PLEKHA1: variants seen among roughly 807,000 people sequenced by gnomAD.
PLEKHA1 encodes pleckstrin homology domain containing A1, also known as pleckstrin homology domain-containing family A member 1.
In PLEKHA1, 34 loss-of-function variants were observed where a neutral mutation model predicts 52.0. The observed-to-expected ratio is 0.65, with a 90% CI of 0.50 to 0.87. The LOEUF (loss-of-function observed/expected upper bound fraction) is 0.87. Ranked by LOEUF, PLEKHA1 falls within the 40% of genes least tolerant of loss-of-function variation. PLEKHA1 has a pLI of 0.00. For missense variants in PLEKHA1, 497 were observed against 504.2 expected (o/e 0.99, Z 0.14); for synonymous variants, 163 against 170.7 (o/e 0.95, Z 0.35).
At chr10:122,421,630 T>C (rs1404719671) in intron 8 of PLEKHA1, 2 of 151,962 alleles carry the variant, frequency 1.3e-5, no homozygotes, top group African/African-American at 4.8e-5. Context: ...TCGTGTTTGT[T>C]TCAAAGATTA....
chr10:122,382,966 G>C (rs1176999892), intron 1 of PLEKHA1, among the ~76,000 whole-genome samples: 1 of 152,036 alleles, frequency 6.6e-6, no homozygotes, highest in Non-Finnish European at 1.5e-5. Flanking sequence ...CACCCAGTAG[G>C]GTTTTACCAT....
intron 1 of PLEKHA1, among the ~76,000 whole-genome samples, chr10:122,377,840 A>C (rs556120121): frequency 6.6e-6 from 1 of 152,286 alleles, no homozygotes; most frequent in African/African-American, 2.4e-5. Context: ...AATTAGTTGA[A>C]TTGATAATAT....
At chr10:122,398,601 G>T (rs1270337615) in intron 3 of PLEKHA1, among the ~76,000 whole-genome samples, 3 of 151,646 alleles carry the variant, frequency 2.0e-5, no homozygotes, top group African/African-American at 7.3e-5. Context: ...GTTTGTGTGT[G>T]TGTGTGTGTG....
chr10:122,383,205 C>A (rs544421611), intron 1 of PLEKHA1, among the ~76,000 whole-genome samples: 2 of 152,148 alleles, frequency 1.3e-5, no homozygotes, highest in Admixed American at 1.3e-4. Context: ...AACTACCAAC[C>A]CTGCCACCAG....
intron 7 of PLEKHA1, 33 bp from the exon 8 acceptor site, chr10:122,417,865 AAC>A: frequency 1.3e-6 from 2 of 1,527,622 alleles, no homozygotes; most frequent in Non-Finnish European, 1.8e-6. Context: ...CATTCTTAGA[AAC>A]ACAAGTCTTA....
At chr10:122,400,242 G>T in intron 3 of PLEKHA1, 101 bp from the exon 4 acceptor site, 1 of 872,598 alleles carries the variant, frequency 1.1e-6, no homozygotes, top group South Asian at 2.4e-5. Context: ...AAATGTGTAT[G>T]ATTATTGGGG....
At chr10:122,407,815 C>CA (rs2097044952) in intron 5 of PLEKHA1, among the ~76,000 whole-genome samples, 1 of 152,152 alleles carries the variant, frequency 6.6e-6, no homozygotes, top group Non-Finnish European at 1.5e-5. Context: ...GACTTATTCT[C>CA]AAAGAACATG....
At chr10:122,382,253 C>T (rs1050791078) in intron 1 of PLEKHA1, among the ~76,000 whole-genome samples, 3 of 152,202 alleles carry the variant, frequency 2.0e-5, no homozygotes, top group Non-Finnish European at 4.4e-5. Context: ...CAAAGAAACC[C>T]TGTACCCTCC....
intron 1 of PLEKHA1, among the ~76,000 whole-genome samples, chr10:122,383,866 G>T (rs1354125731): frequency 1.3e-5 from 2 of 152,144 alleles, no homozygotes; most frequent in African/African-American, 2.4e-5. Flanking sequence ...GATATCTAAA[G>T]TCTTTTTTAA....
rs1212356772 is a variant in PLEKHA1, at chr10:122,397,942, G to T, written c.166G>T (p.Val56Phe). The T allele has an allele frequency of 1.2e-6, 2 of 1,608,838 alleles. No individual in the cohort carries two copies. Among genetic ancestry groups the T allele is most frequent in the Non-Finnish European group, 1.7e-6 (2 of 1,176,126 alleles). ...GAACCTACCTTCTGGATCATCACGT[G>T]TTGGAGCCATTAAGCTTACCTACAT... Reference protein sequence around the residue: ...PQNLPSGSSRVGAIKLTYISK... With the variant: ...PQNLPSGSSRFGAIKLTYISK... The change falls in exon 3 of 12, where the codon GTT becomes TTT. Residue 56 changes from valine to phenylalanine, a missense_variant. Transcript: ENST00000368990.
At chr10:122,384,966 A>T (rs7098059) in intron 1 of PLEKHA1, among the ~76,000 whole-genome samples, 17,438 of 151,778 alleles carry the variant, frequency 0.11, 1,339 homozygotes, top group Non-Finnish European at 0.17. Context: ...CAAAAAAAGA[A>T]TTTTTTTTTA....
Position 122,393,392 on chromosome 10 carries a change from A to G in PLEKHA1, c.141+51A>G. On this transcript the variant is annotated intron_variant, in intron 2 of 11. Transcript: ENST00000368990. The surrounding 1 kb of genome is among the most constrained non-coding windows in gnomAD (Gnocchi z 4.5). ...TTTAAAAGCACAGAAAGTTGTATTT[A>G]AGTATTTAACATACTATACAGGCTT... The G allele has an allele frequency of 6.5e-7, 1 of 1,533,772 alleles. No homozygotes were observed. Among genetic ancestry groups the G allele is most frequent in the Non-Finnish European group, 8.7e-7 (1 of 1,143,464 alleles).
chr10:122,407,154 G>T (rs907660263), intron 5 of PLEKHA1, among the ~76,000 whole-genome samples: 12 of 152,138 alleles, frequency 7.9e-5, no homozygotes, highest in Non-Finnish European at 1.6e-4. Context: ...TAGGAATAGT[G>T]TCTGAAGGGT....
intron 1 of PLEKHA1, among the ~76,000 whole-genome samples, chr10:122,376,167 C>T (rs1382757780): frequency 1.3e-5 from 2 of 151,980 alleles, no homozygotes; most frequent in African/African-American, 4.8e-5. Context: ...CTTGAAGACC[C>T]GTTATATTAA....
intron 1 of PLEKHA1, among the ~76,000 whole-genome samples, chr10:122,384,294 T>G (rs1200381460): frequency 6.6e-6 from 1 of 152,216 alleles, no homozygotes; most frequent in Non-Finnish European, 1.5e-5. Flanking sequence ...TTATCAGGTT[T>G]TTGCCATGGA....
chr10:122,407,148 AAT>A (rs988486457), intron 5 of PLEKHA1, among the ~76,000 whole-genome samples: 1 of 152,096 alleles, frequency 6.6e-6, no homozygotes, highest in African/African-American at 2.4e-5. Flanking sequence ...TAGGGATAGG[AAT>A]AGTGTCTGAA....
intron 4 of PLEKHA1, among the ~76,000 whole-genome samples, chr10:122,406,209 A>T (rs1179617117): frequency 6.6e-6 from 1 of 152,226 alleles, no homozygotes; most frequent in Admixed American, 6.5e-5. Context: ...TCTTTGACCC[A>T]ACAAATCTAT....
chr10:122,423,287 G>T (rs971363352), intron 8 of PLEKHA1: 1 of 151,868 alleles, frequency 6.6e-6, no homozygotes, highest in African/African-American at 2.4e-5. Context: ...AGCTGGGCGT[G>T]GTGGCAGGCG....
chr10:122,407,373 G>A (rs190696392), intron 5 of PLEKHA1, among the ~76,000 whole-genome samples: 1 of 152,138 alleles, frequency 6.6e-6, no homozygotes, highest in Non-Finnish European at 1.5e-5. Context: ...CACTGTGCCA[G>A]ATCTTAGACC....
Sources: gnomAD v4.1 joint callset for allele counts (sites outside exome capture counted in the v4.1 genomes callset) on GRCh38, gnomAD v4.1.1 for gene constraint, Gnocchi (gnomAD v3.1) non-coding constraint, MANE v1.5 for transcripts, NCBI Gene and HGNC (gene_info 2026-07-23, HGNC 2026-07-21) for gene names.